Variants in WDR72 observed in about 807,000 individuals in gnomAD.
The protein encoded by WDR72 is WD repeat-containing protein 72.
In WDR72, 120 loss-of-function variants were observed where a neutral mutation model predicts 124.2. The ratio of observed to expected loss-of-function variants is 0.97; its 90% confidence interval spans 0.83 to 1.12. The LOEUF (loss-of-function observed/expected upper bound fraction) is 1.12, where lower values mean the gene tolerates loss of function less well. Among genes scored for constraint, WDR72 ranks in the 50% most tolerant of loss-of-function variants. WDR72 has a pLI of 0.00. For synonymous variants in WDR72, 452 were observed against 441.7 expected, an observed-to-expected ratio of 1.02 and a Z score of -0.29; for missense variants, 1,387 against 1,278.8, an observed-to-expected ratio of 1.08 and a Z score of -1.29.
At chr15:53,687,246 C>A (rs546653075) in intron 13 of WDR72, among the ~76,000 whole-genome samples, 1 of 148,758 alleles carries the variant, frequency 6.7e-6, no homozygotes, top group Non-Finnish European at 1.5e-5. Flanking sequence ...ACACAAAAAA[C>A]CCTTCAAAAA....
At chr15:53,725,173 A>G (rs1367372257) in intron 2 of WDR72, among the ~76,000 whole-genome samples, 6 of 152,128 alleles carry the variant, frequency 3.9e-5, no homozygotes, top group South Asian at 4.1e-4. Context: ...ACCAAAGAAA[A>G]CATACAGATG....
At chr15:53,596,667 T>C (rs2012788727) in intron 18 of WDR72, among the ~76,000 whole-genome samples, 2 of 152,176 alleles carry the variant, frequency 1.3e-5, no homozygotes, top group South Asian at 4.1e-4. Flanking sequence ...TTATAAATAA[T>C]ACAAGCTGTT....
At chr15:53,535,947 C>T (rs1273364486) in intron 18 of WDR72, among the ~76,000 whole-genome samples, 1 of 152,172 alleles carries the variant, frequency 6.6e-6, no homozygotes, top group Non-Finnish European at 1.5e-5. Flanking sequence ...AGAAGATCCC[C>T]TGGCAGCAGC....
chr15:53,694,640 G>C (rs1165603324), intron 13 of WDR72, among the ~76,000 whole-genome samples: 1 of 152,142 alleles, frequency 6.6e-6, no homozygotes, highest in Non-Finnish European at 1.5e-5. Context: ...CACGATAAGT[G>C]AAGAACACAC....
chr15:53,692,065 G>A (rs1289192740), intron 13 of WDR72, among the ~76,000 whole-genome samples: 1 of 152,184 alleles, frequency 6.6e-6, no homozygotes, highest in Non-Finnish European at 1.5e-5. Flanking sequence ...GAGAAAGACA[G>A]ATGTTAACCC....
rs984608501 is a variant in WDR72, at chr15:53,514,789, G to A, written c.*2910C>T. 3 of 151,852 alleles carry A rather than the reference G, an allele frequency of 2.0e-5. No homozygotes were observed. Among genetic ancestry groups the A allele is most frequent in the African/African-American group, 7.3e-5 (3 of 41,348 alleles). 9.4% of individuals were successfully genotyped at this position (151,852 alleles called of 1,614,324 possible). On this transcript the variant is annotated 3_prime_UTR_variant, in exon 20 of 20. Transcript: ENST00000360509. ...TTTCTAGCACCTCTGGATGAGCCCT[G>A]TGAGAAAGCTCTCCAACACAGGGGA...
chr15:53,628,540 C>T (rs1351745079), intron 14 of WDR72, among the ~76,000 whole-genome samples: 1 of 152,034 alleles, frequency 6.6e-6, no homozygotes, highest in Admixed American at 6.6e-5. Context: ...AACAAGTCTA[C>T]AATGTAGATA....
intron 1 of WDR72, among the ~76,000 whole-genome samples, chr15:53,743,900 G>A (rs1218511252): frequency 2.6e-5 from 4 of 151,920 alleles, no homozygotes; most frequent in South Asian, 2.1e-4. Flanking sequence ...GCGTGAACCC[G>A]GGAGGCGGAG....
chr15:53,684,937 C>A (rs532760895), intron 13 of WDR72, among the ~76,000 whole-genome samples: 2 of 152,092 alleles, frequency 1.3e-5, no homozygotes, highest in East Asian at 3.9e-4. Flanking sequence ...GAGGCACCCC[C>A]CTAGCAGGGG....
chr15:53,737,729 A>G (rs1404500822), intron 1 of WDR72, among the ~76,000 whole-genome samples: 1 of 152,224 alleles, frequency 6.6e-6, no homozygotes, highest in Non-Finnish European at 1.5e-5. Flanking sequence ...TGTTTCAATT[A>G]GTAATAAACA....
chr15:53,686,844 A>T (rs1016732898), intron 13 of WDR72, among the ~76,000 whole-genome samples: 5 of 151,678 alleles, frequency 3.3e-5, no homozygotes, highest in African/African-American at 1.2e-4. Flanking sequence ...AAAAGAACAG[A>T]AATTATAACA....
At chr15:53,518,946 G>T (rs1035450628) in intron 19 of WDR72, among the ~76,000 whole-genome samples, 2 of 151,998 alleles carry the variant, frequency 1.3e-5, no homozygotes, top group African/African-American at 4.8e-5. Flanking sequence ...ATGGCAGAAT[G>T]CATACTGATT....
At chr15:53,697,206 C>T (rs1285004068) in intron 13 of WDR72, among the ~76,000 whole-genome samples, 1 of 152,130 alleles carries the variant, frequency 6.6e-6, no homozygotes, top group Non-Finnish European at 1.5e-5. Flanking sequence ...CAATTAAAGC[C>T]TAGTATGTCC....
intron 14 of WDR72, among the ~76,000 whole-genome samples, chr15:53,658,233 C>T (rs1425969013): frequency 6.6e-6 from 1 of 152,116 alleles, no homozygotes; most frequent in Non-Finnish European, 1.5e-5. Context: ...CAAGACTTTA[C>T]CTTGGAGCAT....
intron 1 of WDR72, among the ~76,000 whole-genome samples, chr15:53,740,033 G>T (rs1407391998): frequency 1.3e-5 from 2 of 152,082 alleles, no homozygotes; most frequent in African/African-American, 4.8e-5. Flanking sequence ...TTACACTAAG[G>T]GATAAATAAC....
upstream of WDR72, chr15:53,759,765 CG>C (rs1210266992): frequency 1.3e-5 from 2 of 149,762 alleles, no homozygotes; most frequent in African/African-American, 2.5e-5. Context: ...GCGCGCGGAC[CG>C]GGCTAGCTCT....
At chr15:53,569,515 G>A (rs1894429808) in intron 18 of WDR72, among the ~76,000 whole-genome samples, 1 of 152,012 alleles carries the variant, frequency 6.6e-6, no homozygotes, top group African/African-American at 2.4e-5. Context: ...AACCATCATA[G>A]AATGGCTACA....
At chr15:53,600,322 A>C (rs970016600) in intron 17 of WDR72, among the ~76,000 whole-genome samples, 4 of 152,198 alleles carry the variant, frequency 2.6e-5, no homozygotes, top group African/African-American at 9.6e-5. Context: ...TAAAATGTTT[A>C]TATGGCATTT....
At chr15:53,667,603 T>C (rs1034837179) in intron 13 of WDR72, among the ~76,000 whole-genome samples, 1 of 152,182 alleles carries the variant, frequency 6.6e-6, no homozygotes, top group Non-Finnish European at 1.5e-5. Context: ...TCCTGAAAAC[T>C]ACTGCATTCC....
Sources: gnomAD v4.1 joint callset for allele counts (sites outside exome capture counted in the v4.1 genomes callset) on GRCh38, gnomAD v4.1.1 for gene constraint, MANE v1.5 for transcripts, NCBI Gene and HGNC (gene_info 2026-07-23, HGNC 2026-07-21) for gene names.